ATL2: variants seen among roughly 807,000 people sequenced by gnomAD.
ATL2 encodes atlastin-2.
A neutral mutation model predicts 73.9 loss-of-function variants in ATL2; 31 were observed. The observed-to-expected ratio is 0.42, with a 90% CI of 0.32 to 0.57. The LOEUF (loss-of-function observed/expected upper bound fraction) is 0.57. ATL2 is among the 20% of genes least tolerant of loss of function. The probability of loss-of-function intolerance (pLI) is 0.14; values close to 1 mark genes in which losing one functional copy is unlikely to be tolerated. For synonymous variants in ATL2, 291 were observed against 237.5 expected (o/e 1.23, Z -2.07); for missense variants, 738 against 702.6 (o/e 1.05, Z -0.57).
chr2:38,375,258 T>C (rs1671896837), intron 1 of ATL2, among the ~76,000 whole-genome samples: 1 of 152,214 alleles, frequency 6.6e-6, no homozygotes, highest in African/African-American at 2.4e-5. Context: ...ATTCAGTCTG[T>C]TTCTTCTCAC....
chr2:38,354,654 C>T (rs1010261473), intron 1 of ATL2, among the ~76,000 whole-genome samples: 4 of 152,056 alleles, frequency 2.6e-5, no homozygotes, highest in African/African-American at 9.7e-5. Flanking sequence ...CTTTGGAAGG[C>T]CAAGGCAGGA....
chr2:38,333,594 A>G (rs920258010), intron 2 of ATL2, among the ~76,000 whole-genome samples: 1 of 152,194 alleles, frequency 6.6e-6, no homozygotes, highest in Non-Finnish European at 1.5e-5. Flanking sequence ...TGGAACAAAG[A>G]GTTTGGAATG....
chr2:38,348,542 A>G (rs1342553840), intron 1 of ATL2, among the ~76,000 whole-genome samples: 1 of 152,088 alleles, frequency 6.6e-6, no homozygotes, highest in Non-Finnish European at 1.5e-5. Context: ...AAATATCACA[A>G]TGACCAAGTG....
intron 2 of ATL2, among the ~76,000 whole-genome samples, chr2:38,335,142 T>A (rs1284366253): frequency 6.6e-6 from 1 of 151,504 alleles, no homozygotes; most frequent in African/African-American, 2.4e-5. Flanking sequence ...ACACTGCTGA[T>A]GGAAGTGTAA....
intron 1 of ATL2, among the ~76,000 whole-genome samples, chr2:38,361,633 A>C (rs1260957673): frequency 6.6e-6 from 1 of 152,206 alleles, no homozygotes; most frequent in African/African-American, 2.4e-5. Flanking sequence ...AATATTATGT[A>C]TTAGATTAAT....
chr2:38,307,608 T>C (rs1382820404), intron 9 of ATL2, among the ~76,000 whole-genome samples: 1 of 151,872 alleles, frequency 6.6e-6, no homozygotes, highest in Non-Finnish European at 1.5e-5. Context: ...AAAGCAAAAA[T>C]AAACGAATGG....
chr2:38,313,305 C>T (rs1175803303), intron 6 of ATL2, 62 bp from the exon 7 acceptor site: 1 of 1,185,466 alleles, frequency 8.4e-7, no homozygotes, highest in Non-Finnish European at 1.2e-6. Flanking sequence ...GAAAAAATCA[C>T]AACTCTTAAC....
rs772555449 is a variant in ATL2 at position 38,298,300 on chromosome 2, A to C, written c.1476T>G (p.Thr492=). 6.2e-7 allele frequency: 1 copy of C among 1,614,210 alleles called. No individual in the cohort carries two copies. Among genetic ancestry groups the C allele is most frequent in the Non-Finnish European group, 8.5e-7 (1 of 1,180,012 alleles). ...MFAMYIISGL[T]GFIGLNSIAV... is the part of the protein sequence containing the mutation. ...CTATAGAGTTTAGGCCAATGAAGCC[A>C]GTCAGTCCTGAGATTATATACATAG... The change falls in exon 12 of 13, where the codon ACT becomes ACG. Residue 492 remains threonine, a synonymous_variant. Transcript: ENST00000378954.
chr2:38,312,716 A>T (rs1286873340), intron 7 of ATL2, among the ~76,000 whole-genome samples: 1 of 149,502 alleles, frequency 6.7e-6, no homozygotes, highest in East Asian at 1.9e-4. Flanking sequence ...TAAAAAAAAA[A>T]AAAAAAAAAG....
chr2:38,322,816 C>T (rs1276647114), intron 2 of ATL2, among the ~76,000 whole-genome samples: 2 of 152,118 alleles, frequency 1.3e-5, no homozygotes, highest in African/African-American at 2.4e-5. Flanking sequence ...AAGTTCAAGG[C>T]TGCAGTGAGC....
At chr2:38,362,901 G>A (rs1270653732) in intron 1 of ATL2, among the ~76,000 whole-genome samples, 2 of 152,170 alleles carry the variant, frequency 1.3e-5, no homozygotes, top group African/African-American at 2.4e-5. Context: ...GATGACATTT[G>A]AGCAAAGAAC....
chr2:38,323,569 ATAAT>A (rs944711647), intron 2 of ATL2, among the ~76,000 whole-genome samples: 12 of 152,128 alleles, frequency 7.9e-5, no homozygotes, highest in Non-Finnish European at 1.8e-4. Context: ...TCTACATAAT[ATAAT>A]TATCAGCAAT....
intron 1 of ATL2, among the ~76,000 whole-genome samples, chr2:38,374,587 C>A (rs1363591914): frequency 6.6e-6 from 1 of 152,240 alleles, no homozygotes; most frequent in Non-Finnish European, 1.5e-5. Flanking sequence ...AAGGGCCTGA[C>A]AAACAGCTTT....
At chr2:38,317,896 C>T (rs1393310051) in intron 4 of ATL2, among the ~76,000 whole-genome samples, 2 of 152,074 alleles carry the variant, frequency 1.3e-5, no homozygotes, top group Non-Finnish European at 2.9e-5. Flanking sequence ...CAAAATTTCA[C>T]ATCATAAGCC....
chr2:38,356,217 TTTC>T (rs955637775), intron 1 of ATL2, among the ~76,000 whole-genome samples: 24 of 152,136 alleles, frequency 1.6e-4, no homozygotes, highest in Middle Eastern at 6.8e-3. Context: ...TTTACTTTTC[TTTC>T]TTTTTTCTTT....
intron 5 of ATL2, 34 bp from the exon 6 acceptor site, chr2:38,314,698 A>T: frequency 7.4e-7 from 1 of 1,354,508 alleles, no homozygotes; most frequent in Non-Finnish European, 1.0e-6. Flanking sequence ...TAATGCCTCT[A>T]AAGAGATTGA....
rs1005415361 is a variant in ATL2 at position 38,310,381 on chromosome 2, G to T, written c.871C>A (p.Leu291Ile). Residue 291 changes from leucine to isoleucine, a missense_variant, in exon 8 of 13, where the codon CTT becomes ATT. By Grantham distance (5) the Leu-to-Ile change is conservative (BLOSUM62 2). Transcript: ENST00000378954. ...GGATGTGGCAAAAGGAAGCAACCAA[G>T]ATTTGAGAAACAATTGTGTATGTGC... Reference protein sequence around the residue: ...RKHIHNCFSNLGCFLLPHPGL... With the variant: ...RKHIHNCFSNIGCFLLPHPGL... 1 of 1,611,398 alleles carries T rather than the reference G, an allele frequency of 6.2e-7. No individual in the cohort carries two copies. The highest frequency in any genetic ancestry group is 8.5e-7 in the Non-Finnish European group (1 of 1,178,890).
intron 1 of ATL2, among the ~76,000 whole-genome samples, chr2:38,356,709 T>G (rs999496745): frequency 6.6e-6 from 1 of 152,218 alleles, no homozygotes; most frequent in African/African-American, 2.4e-5. Flanking sequence ...TTTGTATCCA[T>G]ACTAACAAAA....
At chr2:38,338,908 T>G (rs956149797) in intron 2 of ATL2, among the ~76,000 whole-genome samples, 1 of 152,164 alleles carries the variant, frequency 6.6e-6, no homozygotes, top group Non-Finnish European at 1.5e-5. Context: ...TTCTTCAAAA[T>G]AGCTTACCAG....
Sources: allele counts gnomAD v4.1 joint callset (sites outside exome capture counted in the v4.1 genomes callset), GRCh38; gene constraint gnomAD v4.1.1; transcripts MANE v1.5; gene names NCBI Gene and HGNC (gene_info 2026-07-23, HGNC 2026-07-21).